Variants in PIGR observed in about 807,000 individuals in gnomAD.
PIGR encodes hepatocellular carcinoma associated protein TB6.
A neutral mutation model predicts 69.5 loss-of-function variants in PIGR; 22 were observed. The ratio of observed to expected loss-of-function variants is 0.32; its 90% CI spans 0.23 to 0.45. The LOEUF is 0.45. PIGR is among the 20% of genes least tolerant of loss of function. The pLI, the probability that PIGR is intolerant of heterozygous loss-of-function variation, is 1.00. For missense variants in PIGR, 885 were observed against 974.0 expected (o/e 0.91, Z 1.22); for synonymous variants, 413 against 407.6 (o/e 1.01, Z -0.16).
intron 1 of PIGR, among the ~76,000 whole-genome samples, chr1:206,945,847 C>G (rs1680096811): frequency 6.6e-6 from 1 of 152,176 alleles, no homozygotes; most frequent in Admixed American, 6.5e-5. Context: ...AAATATGAAA[C>G]AATTCCTATT....
chr1:206,940,389 C>T lies in PIGR; in HGVS notation c.43+100G>A, dbSNP rs1679958185. 6.9e-6 allele frequency: 8 copies of T among 1,159,252 alleles called. 2 individuals carry two copies. In the South Asian group the frequency reaches 1.2e-4, roughly 17 times the overall value. 71.8% of individuals were successfully genotyped at this position (1,159,252 alleles called of 1,614,324 possible). On this transcript the variant is annotated intron_variant, in intron 2 of 10. Coordinates refer to ENST00000356495, the MANE Select transcript of PIGR (RefSeq NM_002644.4). ...AGTGCCAACTTTGAGAGGGACATCC[C>T]TGGGGATGAGTCTGATTTTAGTGTC...
Position 206,931,931 on chromosome 1 carries a change from T to A in PIGR, c.2009-129A>T, listed in dbSNP as rs1309696331. On this transcript the variant is annotated intron_variant, in intron 8 of 10. Coordinates refer to ENST00000356495, the MANE Select transcript of PIGR (RefSeq NM_002644.4). ...AGCTGAGGTGGTGCAGCTCTGACTATGACCCAGGGGGATGGAAATGATCCG... is the reference window on the plus strand; with the variant it reads ...AGCTGAGGTGGTGCAGCTCTGACTAAGACCCAGGGGGATGGAAATGATCCG... 3.6e-5 allele frequency: 35 copies of A among 984,802 alleles called. No individual in the cohort carries two copies. The East Asian group carries it at 7.7e-4, about 22-fold the overall frequency. 61.0% of individuals were successfully genotyped at this position (984,802 alleles called of 1,614,324 possible). A position where few individuals can be genotyped will look rare whatever the true frequency, so the allele number is the denominator to read the frequency against.
In PIGR at chr1:206,935,418, G is replaced by A. The variant is rs978388670; in HGVS notation, c.1378+68C>T. Reference sequence around the variant, plus strand: ...GTGGAGGCGGGTGAAAAAGGAGGAAGAGTGGTTGGGGATGCTGCTGCTGGC... The same window carrying A: ...GTGGAGGCGGGTGAAAAAGGAGGAAAAGTGGTTGGGGATGCTGCTGCTGGC... On this transcript the variant is annotated intron_variant, in intron 5 of 10. Coordinates refer to ENST00000356495, the MANE Select transcript of PIGR (RefSeq NM_002644.4). The surrounding 1 kb of genome is among the most constrained non-coding windows in gnomAD (Gnocchi z 4.4). The A allele has an allele frequency of 7.5e-7, 1 of 1,325,356 alleles. No individual in the cohort carries two copies. Among genetic ancestry groups the A allele is most frequent in the South Asian group, 1.3e-5 (1 of 76,766 alleles). 82.1% of individuals were successfully genotyped at this position (1,325,356 alleles called of 1,614,324 possible).
At position 206,930,675 on chromosome 1, in the gene PIGR, G is replaced by A. The variant is rs1162307890; in HGVS notation, c.2200-262C>T. 1.7e-5 allele frequency: 17 copies of A among 985,234 alleles called. No individual in the cohort carries two copies. The highest frequency in any genetic ancestry group is 1.8e-5 in the Non-Finnish European group (15 of 829,928). The allele number at this position is 985,234 out of a possible 1,614,324, so 61.0% of individuals were successfully genotyped here. On this transcript the variant is annotated intron_variant, in intron 10 of 10. Transcript: ENST00000356495. This position sits in a 1 kb window ranked among gnomAD's most constrained non-coding sequence, Gnocchi z 4.3. ...CGGAGTGGAACCGCCTCTGTTGCCC[G>A]GGCCTGTCCCCGGAAGCTGCCCACA...
chr1:206,941,754 T>C (rs1679991053), intron 1 of PIGR, among the ~76,000 whole-genome samples: 1 of 152,158 alleles, frequency 6.6e-6, no homozygotes, highest in Non-Finnish European at 1.5e-5. Flanking sequence ...GTCCCAGGGG[T>C]CTGCCTGACA....
intron 6 of PIGR, among the ~76,000 whole-genome samples, chr1:206,934,096 A>G (rs1284976669): frequency 6.6e-6 from 1 of 152,150 alleles, no homozygotes; most frequent in Non-Finnish European, 1.5e-5. Context: ...TCCTGGCCTC[A>G]AGTGATCTGC....
rs900950043 is a variant in PIGR at position 206,940,616 on chromosome 1, GC to G, written c.-53-33del. 1.2e-5 allele frequency: 16 copies of G among 1,329,752 alleles called. No homozygotes were observed. The Admixed American group carries it at 4.3e-4, about 35-fold the overall frequency. 82.4% of individuals were successfully genotyped at this position (1,329,752 alleles called of 1,614,324 possible). On this transcript the variant is annotated intron_variant, in intron 1 of 10. Coordinates refer to ENST00000356495, the MANE Select transcript of PIGR (RefSeq NM_002644.4). Reference sequence around the variant, plus strand: ...AACAATAATCACAAGGAGATGAAGCGCCCCTTGTCTTCCAAGACTAGTTGAC... The same window carrying G: ...AACAATAATCACAAGGAGATGAAGCGCCCTTGTCTTCCAAGACTAGTTGAC...
chr1:206,932,649 G>A lies in PIGR; in HGVS notation c.1887-72C>T, dbSNP rs1679779896. 2.0e-6 allele frequency: 3 copies of A among 1,506,806 alleles called. No homozygotes were observed. The African/African-American group carries it at 4.2e-5, about 21-fold the overall frequency. 93.3% of individuals were successfully genotyped at this position (1,506,806 alleles called of 1,614,324 possible). On this transcript the variant is annotated intron_variant, in intron 7 of 10. Coordinates refer to ENST00000356495, the MANE Select transcript of PIGR (RefSeq NM_002644.4). ...GGCCCGACGATGTGCTGGCAAGGTTGGCTTAGTCCTTTTTCCTCCCAGGTT... is the reference window on the plus strand; with the variant it reads ...GGCCCGACGATGTGCTGGCAAGGTTAGCTTAGTCCTTTTTCCTCCCAGGTT...
At position 206,933,136 on chromosome 1, in the gene PIGR, T is replaced by C; in HGVS notation, c.1736A>G (p.Asp579Gly). The C allele has an allele frequency of 6.2e-7, 1 of 1,614,206 alleles. No individual in the cohort carries two copies. Among genetic ancestry groups the C allele is most frequent in the Non-Finnish European group, 8.5e-7 (1 of 1,180,026 alleles). Residue 579 changes from aspartate (D) to glycine (G), a missense_variant, in exon 7 of 11, where the codon GAC becomes GGC. Physicochemically the swap from Asp to Gly is moderately conservative, Grantham distance 94 (BLOSUM62 -1). Transcript: ENST00000356495. ...GSRDVSLAKA[D>G]AAPDEKVLDS... ...TAGCACCTTCTCATCAGGAGCAGCG[T>C]CTGCCTTCGCTAGGCTGACATCGCG...
In PIGR at chr1:206,940,523, G is replaced by A. The variant is rs764691658; in HGVS notation, c.9C>T (p.Leu3=). 1.9e-6 allele frequency: 3 copies of A among 1,551,416 alleles called. No homozygotes were observed. Among genetic ancestry groups the A allele is most frequent in the Admixed American group, 2.0e-5 (1 of 50,954 alleles). Residue 3 remains leucine, a synonymous_variant, in exon 2 of 11, where the codon CTC becomes CTT. Coordinates refer to ENST00000356495, the MANE Select transcript of PIGR (RefSeq NM_002644.4). ...CCGCCAGCAGGCAGGTGAGCACGAA[G>A]AGCAGCATTGCTGGTGGGTCCCGAG... The part of the protein sequence containing the change: ML[L]FVLTCLLAVF...
intron 6 of PIGR, 40 bp from the exon 7 acceptor site, chr1:206,933,206 C>G: frequency 1.9e-6 from 3 of 1,603,374 alleles, no homozygotes; most frequent in Non-Finnish European, 8.5e-7. Flanking sequence ...TGATTTTTCT[C>G]TATGCTCTTA....
chr1:206,941,641 G>T (rs1239808482), intron 1 of PIGR, among the ~76,000 whole-genome samples: 1 of 152,208 alleles, frequency 6.6e-6, no homozygotes, highest in Non-Finnish European at 1.5e-5. Context: ...GTAAGGCCTG[G>T]CAGACAAAGA....
rs746727310 is a variant in PIGR at position 206,931,826 on chromosome 1, G to A, written c.2009-24C>T. 5 of 1,613,866 alleles carry A rather than the reference G, an allele frequency of 3.1e-6. No homozygotes were observed. In the East Asian group the frequency reaches 6.7e-5, roughly 22 times the overall value. ...GTCTGTCCGGGAGGAAGAGGAGTTGGTGTAAGGACAGGGGCTGGGACCTAG... is the reference window on the plus strand; with the variant it reads ...GTCTGTCCGGGAGGAAGAGGAGTTGATGTAAGGACAGGGGCTGGGACCTAG... On this transcript the variant is annotated intron_variant, in intron 8 of 10. Transcript: ENST00000356495.
intron 6 of PIGR, among the ~76,000 whole-genome samples, chr1:206,933,704 AAT>A (rs1371800191): frequency 3.3e-5 from 5 of 152,218 alleles, no homozygotes; most frequent in African/African-American, 1.2e-4. Flanking sequence ...AGACCTTGTA[AAT>A]GAAGGTATCT....
chr1:206,939,345 G>A lies in PIGR; in HGVS notation c.162C>T (p.Tyr54=). The A allele has an allele frequency of 1.2e-6, 2 of 1,614,252 alleles. 1 individual carries two copies. The highest frequency in any genetic ancestry group is 2.2e-5 in the South Asian group (2 of 91,086). ...PTSVNRHTRK[Y]WCRQGARGGC... ...CACCTCTAGCTCCCTGCCGGCACCA[G>A]TACTTCCGGGTGTGCCGGTTGACAG... Residue 54 remains tyrosine, a synonymous_variant, in exon 3 of 11, where the codon TAC becomes TAT. Transcript: ENST00000356495.
intron 1 of PIGR, among the ~76,000 whole-genome samples, chr1:206,943,536 G>C (rs911681144): frequency 6.6e-6 from 1 of 152,204 alleles, no homozygotes; most frequent in African/African-American, 2.4e-5. Context: ...CACAATTGTG[G>C]ATTGGGGCAG....
In PIGR at chr1:206,935,247, T is replaced by C. The variant is rs1325081400; in HGVS notation, c.1378+239A>G. On this transcript the variant is annotated intron_variant, in intron 5 of 10. Coordinates refer to ENST00000356495, the MANE Select transcript of PIGR (RefSeq NM_002644.4). The surrounding 1 kb of genome is among the most constrained non-coding windows in gnomAD (Gnocchi z 4.4). ...GGTATCTGCAATCCTTGACTTCAGC[T>C]GATGCCTGCACACTGCGAAAGAAGC... Among the ~76,000 whole-genome samples, 5 of 152,202 alleles carry C rather than the reference T, an allele frequency of 3.3e-5. No homozygotes were observed. The highest frequency in any genetic ancestry group is 5.9e-5 in the Non-Finnish European group (4 of 68,024).
chr1:206,935,339 T>A lies in PIGR; in HGVS notation c.1378+147A>T. ...GAGTGTAAGGTGCGTGTTATAGGCA[T>A]GAAAATGTGACCTCTGGATAGGTGG... On this transcript the variant is annotated intron_variant, in intron 5 of 10. Coordinates refer to ENST00000356495, the MANE Select transcript of PIGR (RefSeq NM_002644.4). The surrounding 1 kb of genome is among the most constrained non-coding windows in gnomAD (Gnocchi z 4.4). 2 of 666,522 alleles carry A rather than the reference T, an allele frequency of 3.0e-6. No homozygotes were observed. The highest frequency in any genetic ancestry group is 5.0e-5 in the Admixed American group (2 of 40,188). 41.3% of individuals were successfully genotyped at this position (666,522 alleles called of 1,614,324 possible).
chr1:206,937,846 G>A, intron 3 of PIGR, 95 bp from the exon 4 acceptor site: 1 of 1,158,534 alleles, frequency 8.6e-7, no homozygotes, highest in Middle Eastern at 2.3e-4. Context: ...TAGGGTGTGG[G>A]TGGACTTATA....
Sources: gnomAD v4.1 joint callset for allele counts (sites outside exome capture counted in the v4.1 genomes callset) on GRCh38, gnomAD v4.1.1 for gene constraint, Gnocchi (gnomAD v3.1) non-coding constraint, MANE v1.5 for transcripts, NCBI Gene and HGNC (gene_info 2026-07-23, HGNC 2026-07-21) for gene names.